The following SNX29 variants were observed in gnomAD, a reference collection of about 807,000 sequenced individuals.
SNX29 encodes the protein sorting nexin-29.
Under a neutral mutation model 102.1 loss-of-function variants are expected in SNX29, and 78 were observed. The ratio of observed to expected loss-of-function variants is 0.76; its 90% confidence interval spans 0.64 to 0.92. SNX29 has a LOEUF of 0.92. SNX29 is among the 40% of genes least tolerant of loss of function. The probability of loss-of-function intolerance (pLI) is 0.00; values close to 1 mark genes in which losing one functional copy is unlikely to be tolerated. For missense variants in SNX29, 1,280 were observed against 1,061.7 expected, an observed-to-expected ratio of 1.21 and a Z score of -2.86; for synonymous variants, 580 against 414.5, an observed-to-expected ratio of 1.40 and a Z score of -4.85.
intron 16 of SNX29, among the ~76,000 whole-genome samples, chr16:12,387,632 G>A (rs7191136): frequency 0.076 from 11,587 of 152,248 alleles, 1,330 homozygotes; most frequent in African/African-American, 0.25. Flanking sequence ...CGCAGGCGTC[G>A]TGGTGGGTGA....
rs145269465 is a variant in SNX29 at position 12,339,778 on chromosome 16, C to T, written c.1783-16385C>T. Among the ~76,000 whole-genome samples, 1,346 of 152,326 alleles carry T rather than the reference C, an allele frequency of 8.8e-3. 11 individuals are homozygous for T. The highest frequency in any genetic ancestry group is 0.014 in the Middle Eastern group (4 of 294). On this transcript the variant is annotated intron_variant, in intron 15 of 20. Coordinates refer to ENST00000566228, the MANE Select transcript of SNX29 (RefSeq NM_032167.5). ...CTCTCCCAGTAGCTCTAACAAGATT[C>T]TTGGAATTGACTCTTATTGGCCTGA...
At chr16:12,016,897 C>A (rs992765330) in intron 3 of SNX29, among the ~76,000 whole-genome samples, 1 of 151,892 alleles carries the variant, frequency 6.6e-6, no homozygotes, top group Admixed American at 6.6e-5. Context: ...GAGGCCAGGG[C>A]AGGAGGATTG....
intron 15 of SNX29, among the ~76,000 whole-genome samples, chr16:12,348,908 C>T (rs11641878): frequency 2.6e-4 from 39 of 149,504 alleles, no homozygotes; most frequent in African/African-American, 9.2e-4. Flanking sequence ...ATTCCTCGTG[C>T]GCAGGGAGTG....
At chr16:12,273,412 G>A (rs2150996146) in intron 14 of SNX29, among the ~76,000 whole-genome samples, 1 of 151,384 alleles carries the variant, frequency 6.6e-6, no homozygotes, top group East Asian at 1.9e-4. Flanking sequence ...AGGCTGTAGT[G>A]CAATGGTGGG....
intron 14 of SNX29, among the ~76,000 whole-genome samples, chr16:12,240,581 A>ATTTTTTTTTTTTTTTT (rs1555495715): frequency 3.3e-5 from 1 of 30,522 alleles, no homozygotes; most frequent in Non-Finnish European, 7.5e-5. Flanking sequence ...TTTCTTTGTC[A>ATTTTTTTTTTTTTTTT]TTTCTTTTTT....
rs575068012 is a variant in SNX29, at chr16:12,447,623, G to A, written c.2038-30096G>A. 3.3e-5 allele frequency among the ~76,000 whole-genome samples: 5 copies of A among 152,322 alleles called. No homozygotes were observed. The East Asian group carries it at 7.7e-4, about 23-fold the overall frequency. ...TCAATATTCCCTTGCTGTGAGACCCGAATGGTGGAAACCAGTTGGCTGAGG... is the reference window on the plus strand; with the variant it reads ...TCAATATTCCCTTGCTGTGAGACCCAAATGGTGGAAACCAGTTGGCTGAGG... On this transcript the variant is annotated intron_variant, in intron 18 of 20. Transcript: ENST00000566228.
At chr16:12,219,027 G>A (rs946882102) in intron 14 of SNX29, among the ~76,000 whole-genome samples, 9 of 152,148 alleles carry the variant, frequency 5.9e-5, no homozygotes, top group African/African-American at 2.2e-4. Flanking sequence ...GCCCGCCTTG[G>A]CCTCCCAAAG....
At chr16:12,220,196 G>A (rs748695509) in intron 14 of SNX29, among the ~76,000 whole-genome samples, 5 of 152,200 alleles carry the variant, frequency 3.3e-5, no homozygotes, top group Admixed American at 2.0e-4. Context: ...TGGGGTGCAG[G>A]TGTGGCTGGA....
intron 13 of SNX29, among the ~76,000 whole-genome samples, chr16:12,165,091 A>G (rs2055958810): frequency 6.6e-6 from 1 of 152,216 alleles, no homozygotes; most frequent in South Asian, 2.1e-4. Context: ...CTTTTGAGGA[A>G]CAGGATAAGG....
chr16:12,558,540 C>T (rs995560861), intron 20 of SNX29, among the ~76,000 whole-genome samples: 10 of 152,252 alleles, frequency 6.6e-5, no homozygotes, highest in South Asian at 2.1e-4. Context: ...ACACACCCCA[C>T]AGTGCCATGC....
chr16:12,397,637 AAAAG>A (rs1207407910), intron 16 of SNX29, among the ~76,000 whole-genome samples: 1 of 152,226 alleles, frequency 6.6e-6, no homozygotes, highest in African/African-American at 2.4e-5. Context: ...GCAGATCAAA[AAAAG>A]AAGCTCATTC....
chr16:12,374,066 C>T (rs1004981244), intron 16 of SNX29, among the ~76,000 whole-genome samples: 17 of 152,184 alleles, frequency 1.1e-4, no homozygotes, highest in African/African-American at 4.1e-4. Context: ...GGCTGGCTAG[C>T]AGAGGTTTGG....
chr16:12,476,530 G>C (rs146927885), intron 18 of SNX29, among the ~76,000 whole-genome samples: 1 of 146,548 alleles, frequency 6.8e-6, no homozygotes, highest in Admixed American at 7.0e-5. Flanking sequence ...GTTTGTTGAA[G>C]AAGCCTTGAG....
chr16:12,054,491 T>C (rs561981586), intron 8 of SNX29, among the ~76,000 whole-genome samples: 69 of 152,370 alleles, frequency 4.5e-4, no homozygotes, highest in African/African-American at 1.6e-3. Flanking sequence ...ATCCAATCCA[T>C]TGAAGGCCTG....
At chr16:12,246,173 A>T (rs1423454974) in intron 14 of SNX29, among the ~76,000 whole-genome samples, 2 of 152,122 alleles carry the variant, frequency 1.3e-5, no homozygotes, top group African/African-American at 2.4e-5. Context: ...TCTGTAATTG[A>T]GGCTGATGTA....
intron 8 of SNX29, among the ~76,000 whole-genome samples, chr16:12,059,043 A>G (rs367842786): frequency 6.6e-6 from 1 of 152,060 alleles, no homozygotes; most frequent in Non-Finnish European, 1.5e-5. Context: ...TACCGGAATT[A>G]TAAATGTGAG....
At chr16:12,162,964 C>A (rs911584279) in intron 13 of SNX29, among the ~76,000 whole-genome samples, 1 of 152,170 alleles carries the variant, frequency 6.6e-6, no homozygotes. Flanking sequence ...TCACTGCAAC[C>A]TCCGCCTCCA....
intron 6 of SNX29, among the ~76,000 whole-genome samples, chr16:12,047,681 G>GAGTTTCA (rs1209665608): frequency 6.9e-6 from 1 of 145,152 alleles, no homozygotes; most frequent in East Asian, 2.0e-4. Flanking sequence ...TTTTGAGACG[G>GAGTTTCA]AGTTTCACTC....
chr16:12,511,801 C>T (rs1017420861), intron 19 of SNX29, among the ~76,000 whole-genome samples: 3 of 151,956 alleles, frequency 2.0e-5, no homozygotes, highest in Admixed American at 6.6e-5. Flanking sequence ...AGTAAGATCT[C>T]GAAAGCAATG....
Sources: gnomAD v4.1 joint callset for allele counts (sites outside exome capture counted in the v4.1 genomes callset) on GRCh38, gnomAD v4.1.1 for gene constraint, MANE v1.5 for transcripts, NCBI Gene and HGNC (gene_info 2026-07-23, HGNC 2026-07-21) for gene names.